Variants in PCCA observed in about 807,000 individuals in gnomAD.
The protein encoded by PCCA is propionyl-CoA carboxylase subunit alpha.
In PCCA, 74 loss-of-function variants were observed where a neutral mutation model predicts 101.3. The ratio of observed to expected loss-of-function variants is 0.73; its 90% CI spans 0.61 to 0.89. PCCA has a LOEUF of 0.89. Among genes scored for constraint, PCCA ranks in the 40% least tolerant of loss-of-function variants. PCCA has a pLI of 0.00. For synonymous variants in PCCA, 294 were observed against 313.6 expected (o/e 0.94, Z 0.66); for missense variants, 891 against 907.0 (o/e 0.98, Z 0.23).
chr13:100,524,081 C>T (rs837327), intron 22 of PCCA, among the ~76,000 whole-genome samples: 1,750 of 152,318 alleles, frequency 0.011, 31 homozygotes, highest in African/African-American at 0.04. Flanking sequence ...ATGTACTCTA[C>T]GGTGTGCGAC....
At chr13:100,304,887 T>C (rs1388972285) in intron 14 of PCCA, among the ~76,000 whole-genome samples, 1 of 152,226 alleles carries the variant, frequency 6.6e-6, no homozygotes, top group African/African-American at 2.4e-5. Context: ...TTTATTAATA[T>C]GGCAGAGGTG....
chr13:100,527,101 G>T (rs753502548), intron 22 of PCCA, among the ~76,000 whole-genome samples: 7 of 145,406 alleles, frequency 4.8e-5, no homozygotes, highest in Non-Finnish European at 9.1e-5. Flanking sequence ...TTTGGTGGTG[G>T]TTTTTTTTTT....
rs1259065069 is a variant in PCCA, at chr13:100,174,505, A to G, written c.468+17165A>G. On this transcript the variant is annotated intron_variant, in intron 6 of 23. Coordinates refer to ENST00000376285, the MANE Select transcript of PCCA (RefSeq NM_000282.4). Reference sequence around the variant, plus strand: ...ACTTTGGGGAGGCCAAATCAGGCAGATCACTTGAGGTCAGGAGTTCAAGAT... The same window carrying G: ...ACTTTGGGGAGGCCAAATCAGGCAGGTCACTTGAGGTCAGGAGTTCAAGAT... 3.3e-5 allele frequency among the ~76,000 whole-genome samples: 5 copies of G among 149,960 alleles called. 1 individual carries two copies. The Admixed American group carries it at 3.4e-4, about 10-fold the overall frequency.
At chr13:100,231,790 C>T (rs182994483) in intron 7 of PCCA, among the ~76,000 whole-genome samples, 31 of 151,906 alleles carry the variant, frequency 2.0e-4, no homozygotes, top group Middle Eastern at 3.4e-3. Flanking sequence ...TAAGTCAGTA[C>T]AGAACTCCTG....
At chr13:100,388,490 C>G (rs2076635281) in intron 19 of PCCA, among the ~76,000 whole-genome samples, 2 of 152,220 alleles carry the variant, frequency 1.3e-5, no homozygotes, top group South Asian at 4.2e-4. Flanking sequence ...AAATGTAAAA[C>G]TCACAAATTT....
intron 8 of PCCA, among the ~76,000 whole-genome samples, chr13:100,242,853 CT>C (rs1426488400): frequency 4.6e-5 from 7 of 151,984 alleles, no homozygotes; most frequent in African/African-American, 1.5e-4. Flanking sequence ...CAAATGATTG[CT>C]TTATATTAAT....
chr13:100,284,944 G>A (rs1184636139), intron 12 of PCCA, among the ~76,000 whole-genome samples: 1 of 152,174 alleles, frequency 6.6e-6, no homozygotes, highest in African/African-American at 2.4e-5. Context: ...TTGGCTACCA[G>A]TTCAGAAGCC....
At chr13:100,376,970 G>T (rs563901549) in intron 19 of PCCA, among the ~76,000 whole-genome samples, 1 of 152,360 alleles carries the variant, frequency 6.6e-6, no homozygotes, top group African/African-American at 2.4e-5. Context: ...CTGCGGGGTT[G>T]TGAAGACCGT....
intron 21 of PCCA, among the ~76,000 whole-genome samples, chr13:100,501,865 C>G (rs935969957): frequency 8.9e-6 from 1 of 112,272 alleles, no homozygotes; most frequent in South Asian, 3.9e-4. Context: ...CAGAGGGACA[C>G]TCCTTCTCAA....
chr13:100,104,298 T>C (rs2047554014), intron 2 of PCCA, among the ~76,000 whole-genome samples: 1 of 152,198 alleles, frequency 6.6e-6, no homozygotes, highest in African/African-American at 2.4e-5. Context: ...TTCAGTTCAG[T>C]AGAAATACAA....
chr13:100,257,763 A>G (rs2062173981), intron 9 of PCCA, 90 bp downstream of exon 9: 3 of 857,294 alleles, frequency 3.5e-6, no homozygotes, highest in South Asian at 2.8e-5. Context: ...CAAAAGCATA[A>G]TGGAGTAATT....
At chr13:100,500,721 T>C (rs548606910) in intron 21 of PCCA, among the ~76,000 whole-genome samples, 4 of 152,174 alleles carry the variant, frequency 2.6e-5, no homozygotes, top group South Asian at 2.1e-4. Context: ...ATATATTTGA[T>C]CCAATTTAGG....
intron 7 of PCCA, among the ~76,000 whole-genome samples, chr13:100,221,030 T>G (rs2059784349): frequency 6.6e-6 from 1 of 152,176 alleles, no homozygotes; most frequent in Non-Finnish European, 1.5e-5. Context: ...TAAATTGTGT[T>G]CTATTTGGAT....
chr13:100,367,686 C>T (rs181492469), intron 18 of PCCA, among the ~76,000 whole-genome samples: 6 of 146,194 alleles, frequency 4.1e-5, no homozygotes, highest in Non-Finnish European at 7.5e-5. Context: ...CGGCCAGGCG[C>T]GGTGGCTCAT....
chr13:100,091,484 T>G (rs2046276741), intron 1 of PCCA, among the ~76,000 whole-genome samples: 1 of 152,170 alleles, frequency 6.6e-6, no homozygotes, highest in Non-Finnish European at 1.5e-5. Flanking sequence ...GTGGGAAGCA[T>G]CTCTGAAGTT....
At chr13:100,304,894 G>A (rs956436048) in intron 14 of PCCA, among the ~76,000 whole-genome samples, 1 of 152,116 alleles carries the variant, frequency 6.6e-6, no homozygotes, top group Non-Finnish European at 1.5e-5. Context: ...ATATGGCAGA[G>A]GTGAAGATTT....
At chr13:100,436,559 T>C (rs142836543) in intron 20 of PCCA, among the ~76,000 whole-genome samples, 125 of 152,320 alleles carry the variant, frequency 8.2e-4, no homozygotes, top group African/African-American at 3.0e-3. Context: ...TCCTTTCAAT[T>C]TAGTTCTAGG....
chr13:100,375,058 T>C (rs1391548888), intron 19 of PCCA, among the ~76,000 whole-genome samples: 1 of 152,218 alleles, frequency 6.6e-6, no homozygotes, highest in Admixed American at 6.5e-5. Context: ...GAGATTCTGG[T>C]ACATTGTGTC....
intron 19 of PCCA, among the ~76,000 whole-genome samples, chr13:100,398,414 C>CA (rs944150604): frequency 6.6e-6 from 1 of 152,102 alleles, no homozygotes; most frequent in Admixed American, 6.5e-5. Context: ...AGCTGCAATA[C>CA]AAAAAATATA....
Sources: gnomAD v4.1 joint callset for allele counts (sites outside exome capture counted in the v4.1 genomes callset) on GRCh38, gnomAD v4.1.1 for gene constraint, MANE v1.5 for transcripts, NCBI Gene and HGNC (gene_info 2026-07-23, HGNC 2026-07-21) for gene names.